Variants in ERBB4 observed in about 807,000 individuals in gnomAD.
ERBB4 encodes the protein receptor tyrosine-protein kinase erbB-4.
In ERBB4, 42 loss-of-function variants were observed where a neutral mutation model predicts 158.0. The ratio of observed to expected loss-of-function variants is 0.27; its 90% CI spans 0.21 to 0.34. ERBB4 has a LOEUF of 0.34. Among genes scored for constraint, ERBB4 ranks in the 10% least tolerant of loss-of-function variants. The probability of loss-of-function intolerance (pLI) is 1.00; values close to 1 mark genes in which losing one functional copy is unlikely to be tolerated. For missense variants in ERBB4, 1,333 were observed against 1,624.1 expected (o/e 0.82, Z 3.08); for synonymous variants, 583 against 558.7 (o/e 1.04, Z -0.61).
intron 2 of ERBB4, among the ~76,000 whole-genome samples, chr2:212,076,680 G>A (rs992595072): frequency 3.9e-5 from 6 of 151,940 alleles, no homozygotes; most frequent in Middle Eastern, 3.2e-3. Flanking sequence ...AGAGAAAGGA[G>A]TGAGGTCAAG....
intron 1 of ERBB4, among the ~76,000 whole-genome samples, chr2:212,488,318 C>CCTCTCT (rs67659068): frequency 1.7e-4 from 20 of 115,778 alleles, no homozygotes; most frequent in East Asian, 4.0e-4. Flanking sequence ...TTTCCTCGCT[C>CCTCTCT]CTCTCTCTCT....
chr2:212,436,363 C>T (rs1446662480), intron 1 of ERBB4, among the ~76,000 whole-genome samples: 1 of 152,018 alleles, frequency 6.6e-6, no homozygotes, highest in Non-Finnish European at 1.5e-5. Context: ...GGCACATTAT[C>T]TCCAAGTAGG....
intron 3 of ERBB4, among the ~76,000 whole-genome samples, chr2:211,881,651 C>T (rs1172525201): frequency 6.6e-6 from 1 of 152,116 alleles, no homozygotes; most frequent in African/African-American, 2.4e-5. Context: ...CTGGTCTAAC[C>T]AGTTTTTCGG....
intron 16 of ERBB4, among the ~76,000 whole-genome samples, chr2:211,636,836 A>G (rs1339772629): frequency 6.6e-6 from 1 of 151,986 alleles, no homozygotes; most frequent in East Asian, 1.9e-4. Context: ...TTTTTAGTAG[A>G]TTATTTCCCA....
chr2:212,445,949 G>A (rs994939463), intron 1 of ERBB4, among the ~76,000 whole-genome samples: 3 of 152,156 alleles, frequency 2.0e-5, no homozygotes, highest in Non-Finnish European at 4.4e-5. Flanking sequence ...GTATACACTT[G>A]TACTAAGAAA....
intron 1 of ERBB4, among the ~76,000 whole-genome samples, chr2:212,217,477 C>G (rs778148197): frequency 1.1e-4 from 16 of 151,022 alleles, no homozygotes; most frequent in Non-Finnish European, 2.4e-4. Context: ...AACAAAAGGG[C>G]AGACAATTTA....
At chr2:211,628,719 G>C (rs1217068628) in intron 17 of ERBB4, among the ~76,000 whole-genome samples, 1 of 152,176 alleles carries the variant, frequency 6.6e-6, no homozygotes, top group African/African-American at 2.4e-5. Context: ...GGTATTTCTA[G>C]TTCCAGATCG....
chr2:211,506,724 A>G (rs1009506197), intron 20 of ERBB4, among the ~76,000 whole-genome samples: 2 of 152,108 alleles, frequency 1.3e-5, no homozygotes, highest in Non-Finnish European at 2.9e-5. Context: ...GAGACACAAC[A>G]TACTAAAACT....
chr2:212,031,121 A>C lies in ERBB4; in HGVS notation c.235-83505T>G, dbSNP rs184136819. On this transcript the variant is annotated intron_variant, in intron 2 of 27. Transcript: ENST00000342788. ...TCTGGCTCCATTCTTTGCCCAGCAA[A>C]ATCTTTGATTTTAAGGCCCAGCTAA... Among the ~76,000 whole-genome samples, 15 of 152,190 alleles carry C rather than the reference A, an allele frequency of 9.9e-5. No individual in the cohort carries two copies. In the East Asian group the frequency reaches 2.9e-3, roughly 29 times the overall value.
At chr2:212,055,679 G>T (rs1327213421) in intron 2 of ERBB4, among the ~76,000 whole-genome samples, 1 of 152,198 alleles carries the variant, frequency 6.6e-6, no homozygotes, top group Admixed American at 6.5e-5. Context: ...ATTTGGAGTG[G>T]ACCTCCAGCA....
At chr2:212,292,323 G>T (rs1390444244) in intron 1 of ERBB4, among the ~76,000 whole-genome samples, 3 of 151,792 alleles carry the variant, frequency 2.0e-5, no homozygotes, top group Non-Finnish European at 2.9e-5. Flanking sequence ...AAAAAATGAG[G>T]CTCAGAGAAG....
chr2:211,611,047 A>G (rs770297384), intron 19 of ERBB4, among the ~76,000 whole-genome samples: 20 of 152,114 alleles, frequency 1.3e-4, no homozygotes, highest in Non-Finnish European at 2.6e-4. Flanking sequence ...TTTTAGGATC[A>G]CTACTAAATT....
chr2:211,392,585 C>CA (rs1207865854), intron 25 of ERBB4, among the ~76,000 whole-genome samples: 28 of 151,140 alleles, frequency 1.9e-4, no homozygotes, highest in Non-Finnish European at 1.0e-4. Flanking sequence ...CACACACACA[C>CA]ACACACACAC....
At chr2:212,211,830 C>G (rs769180918) in intron 1 of ERBB4, among the ~76,000 whole-genome samples, 17 of 152,038 alleles carry the variant, frequency 1.1e-4, no homozygotes, top group Admixed American at 4.6e-4. Flanking sequence ...GGTTTCTGTT[C>G]CTGTGTTAGT....
At chr2:211,881,600 G>A (rs1476432000) in intron 3 of ERBB4, among the ~76,000 whole-genome samples, 2 of 138,504 alleles carry the variant, frequency 1.4e-5, no homozygotes, top group African/African-American at 5.6e-5. Flanking sequence ...TGGGGTGGGG[G>A]TCGGGGGGGC....
intron 1 of ERBB4, among the ~76,000 whole-genome samples, chr2:212,376,018 T>C (rs1296420190): frequency 1.3e-5 from 2 of 152,126 alleles, no homozygotes; most frequent in East Asian, 1.9e-4. Flanking sequence ...AAAAATAAAA[T>C]TCCTCTTGTT....
At chr2:211,630,733 C>A in intron 16 of ERBB4, 139 bp from the exon 17 acceptor site, 2 of 819,174 alleles carry the variant, frequency 2.4e-6, no homozygotes, top group South Asian at 1.6e-5. Context: ...TATAAAAGTG[C>A]ATTAGGTTTT....
intron 7 of ERBB4, among the ~76,000 whole-genome samples, chr2:211,719,567 T>G (rs1336981507): frequency 6.6e-6 from 1 of 152,050 alleles, no homozygotes; most frequent in Non-Finnish European, 1.5e-5. Context: ...TTCAAGAAAG[T>G]GTTTTTGGCC....
intron 1 of ERBB4, among the ~76,000 whole-genome samples, chr2:212,507,015 T>A (rs1691229583): frequency 1.3e-5 from 2 of 152,164 alleles, no homozygotes; most frequent in African/African-American, 4.8e-5. Context: ...TTTCAGGGAC[T>A]AATGCAGACA....
Sources: allele counts gnomAD v4.1 joint callset (sites outside exome capture counted in the v4.1 genomes callset), GRCh38; gene constraint gnomAD v4.1.1; transcripts MANE v1.5; gene names NCBI Gene and HGNC (gene_info 2026-07-23, HGNC 2026-07-21).